The following QPCTL variants were observed in gnomAD, a reference collection of about 807,000 sequenced individuals.
QPCTL encodes glutaminyl-peptide cyclotransferase-like protein.
In QPCTL, 31 loss-of-function variants were observed where a neutral mutation model predicts 34.6. That is an observed-to-expected ratio of 0.90 (90% CI 0.67 to 1.21). The LOEUF is 1.21. Among genes scored for constraint, QPCTL ranks in the 50% most tolerant of loss-of-function variants. The probability of loss-of-function intolerance (pLI) is 0.00; values close to 1 mark genes in which losing one functional copy is unlikely to be tolerated. For missense variants in QPCTL, 474 were observed against 507.8 expected (o/e 0.93, Z 0.64); for synonymous variants, 223 against 226.9 (o/e 0.98, Z 0.15).
At position 45,698,526 on chromosome 19, in the gene QPCTL, AC is replaced by A. The variant is rs779205189; in HGVS notation, c.634-15del. ...GGCTAGTCCTGAGCTGGCTCTGGCCACCCCCCTGCTGCTCCCACAGGCAGCC... is the reference window on the plus strand; with the variant it reads ...GGCTAGTCCTGAGCTGGCTCTGGCCACCCCCTGCTGCTCCCACAGGCAGCC... On this transcript the variant is annotated intron_variant, in intron 3 of 6. Coordinates refer to ENST00000012049, the MANE Select transcript of QPCTL (RefSeq NM_017659.4). 1 of 1,612,934 alleles carries A rather than the reference AC, an allele frequency of 6.2e-7. No individual in the cohort carries two copies. Among genetic ancestry groups the A allele is most frequent in the Admixed American group, 1.7e-5 (1 of 59,944 alleles).
chr19:45,692,974 G>T, intron 1 of QPCTL, 64 bp downstream of exon 1: 1 of 1,476,378 alleles, frequency 6.8e-7, no homozygotes, highest in Non-Finnish European at 9.1e-7. Flanking sequence ...GTTACCCAGG[G>T]TTGACGTGGC....
Position 45,702,987 on chromosome 19 carries a change from C to T in QPCTL, c.1087C>T (p.Pro363Ser), listed in dbSNP as rs780765781. ...PADTEVNLHP[P>S]TVHNLCRILA... ...GGACACCGAGGTCAATCTCCACCCACCCACGGTACACAACTTGTGCCGCAT... is the reference window on the plus strand; with the variant it reads ...GGACACCGAGGTCAATCTCCACCCATCCACGGTACACAACTTGTGCCGCAT... The change falls in exon 7 of 7, where the codon CCC (proline) becomes TCC (serine). Residue 363 changes from proline to serine, a missense_variant. By Grantham distance (74) the Pro-to-Ser change is moderately conservative (BLOSUM62 -1). Coordinates refer to ENST00000012049, the MANE Select transcript of QPCTL (RefSeq NM_017659.4). 1.9e-6 allele frequency: 3 copies of T among 1,613,996 alleles called. No homozygotes were observed. The highest frequency in any genetic ancestry group is 2.5e-6 in the Non-Finnish European group (3 of 1,180,004).
chr19:45,692,666 A>G lies in QPCTL; in HGVS notation c.-38A>G. 6.9e-7 allele frequency: 1 copy of G among 1,457,592 alleles called. No individual in the cohort carries two copies. The highest frequency in any genetic ancestry group is 9.1e-7 in the Non-Finnish European group (1 of 1,096,030). 90.3% of individuals were successfully genotyped at this position (1,457,592 alleles called of 1,614,324 possible). Reference sequence around the variant, plus strand: ...GAGGAACTTGGCTGGGCCTAAACTCAATCCGTGGTCTGGTACAGGTTTCAG... The same window carrying G: ...GAGGAACTTGGCTGGGCCTAAACTCGATCCGTGGTCTGGTACAGGTTTCAG... On this transcript the variant is annotated 5_prime_UTR_variant, in exon 1 of 7. Transcript: ENST00000012049.
At chr19:45,698,470 G>T in intron 3 of QPCTL, 77 bp from the exon 4 acceptor site, 1 of 1,550,122 alleles carries the variant, frequency 6.5e-7, no homozygotes. Context: ...GCATGCAAGC[G>T]GGCAAGAAGT....
Position 45,703,082 on chromosome 19 carries a change from G to A in QPCTL, c.*33G>A. On this transcript the variant is annotated 3_prime_UTR_variant, in exon 7 of 7. Transcript: ENST00000012049. ...GGCCAATGACTGTGGAGAGGACTGTGAGAGAGAAGGTCCCAGCGGGGGCCA... is the reference window on the plus strand; with the variant it reads ...GGCCAATGACTGTGGAGAGGACTGTAAGAGAGAAGGTCCCAGCGGGGGCCA... 1 of 1,613,416 alleles carries A rather than the reference G, an allele frequency of 6.2e-7. No homozygotes were observed. Among genetic ancestry groups the A allele is most frequent in the Non-Finnish European group, 8.5e-7 (1 of 1,179,418 alleles).
intron 6 of QPCTL, 44 bp downstream of exon 6, chr19:45,701,958 C>A: frequency 6.6e-7 from 1 of 1,518,240 alleles, no homozygotes; most frequent in Non-Finnish European, 9.1e-7. Context: ...TCCAAGGAAG[C>A]CACAAATTGG....
At position 45,701,799 on chromosome 19, in the gene QPCTL, G is replaced by T; in HGVS notation, c.888G>T (p.Glu296Asp). ...CTCTCTAATCGCCCCCACTTCCAGA[G>T]AAGCGTCTGCACCGTTTGAACCTGC... The part of the protein sequence containing the change: ...VRWFHRLRSI[E>D]KRLHRLNLLQ... Residue 296 changes from glutamate (E) to aspartate (D), a missense_variant and splice_region_variant, in exon 6 of 7, where the codon GAG (glutamate) becomes GAT (aspartate). Glu to Asp is a conservative substitution (Grantham distance 45, BLOSUM62 2). Transcript: ENST00000012049. 6.2e-7 allele frequency: 1 copy of T among 1,610,172 alleles called. No individual in the cohort carries two copies.
rs765158534 is a variant in QPCTL at position 45,692,956 on chromosome 19, T to TC, written c.207+50dup. 2.0e-6 allele frequency: 3 copies of TC among 1,503,232 alleles called. No individual in the cohort carries two copies. In the African/African-American group the frequency reaches 4.2e-5, roughly 21 times the overall value. 93.1% of individuals were successfully genotyped at this position (1,503,232 alleles called of 1,614,324 possible). On this transcript the variant is annotated intron_variant, in intron 1 of 6. Coordinates refer to ENST00000012049, the MANE Select transcript of QPCTL (RefSeq NM_017659.4). ...GGGCACCGCGGGGACCCTCATTCCC[T>TC]CCCCGCTGTTACCCAGGGTTGACGT...
At chr19:45,698,268 A>C (rs1290284584) in intron 3 of QPCTL, among the ~76,000 whole-genome samples, 2 of 152,002 alleles carry the variant, frequency 1.3e-5, no homozygotes, top group East Asian at 1.9e-4. Flanking sequence ...AAAAAACAAA[A>C]AAAAAACAAA....
chr19:45,696,198 C>T (rs1250644205), intron 3 of QPCTL, among the ~76,000 whole-genome samples: 1 of 152,114 alleles, frequency 6.6e-6, no homozygotes, highest in Non-Finnish European at 1.5e-5. Flanking sequence ...TCACCTCTTG[C>T]TCACTCTGCT....
At chr19:45,696,225 C>T (rs1394106216) in intron 3 of QPCTL, among the ~76,000 whole-genome samples, 3 of 152,126 alleles carry the variant, frequency 2.0e-5, no homozygotes, top group Non-Finnish European at 4.4e-5. Flanking sequence ...ACCCCCACCT[C>T]CTCTGGGTTC....
chr19:45,696,025 C>T (rs964212324), intron 3 of QPCTL, among the ~76,000 whole-genome samples: 11 of 152,064 alleles, frequency 7.2e-5, no homozygotes, highest in South Asian at 2.1e-4. Context: ...TGAGCCACCG[C>T]GCCTGGTCAT....
chr19:45,698,166 C>T (rs1967735772), intron 3 of QPCTL, among the ~76,000 whole-genome samples: 1 of 151,808 alleles, frequency 6.6e-6, no homozygotes, highest in South Asian at 2.1e-4. Flanking sequence ...TCTCTTGAAC[C>T]TGGGAGGTAG....
chr19:45,692,939 C>G lies in QPCTL; in HGVS notation c.207+29C>G, dbSNP rs1318516930. The G allele has an allele frequency of 2.0e-6, 3 of 1,525,878 alleles. No individual in the cohort carries two copies. In the Admixed American group the frequency reaches 6.1e-5, roughly 31 times the overall value. 94.5% of individuals were successfully genotyped at this position (1,525,878 alleles called of 1,614,324 possible). A position where few individuals can be genotyped will look rare whatever the true frequency, so the allele number is the denominator to read the frequency against. ...AGGCTGGGCGGGGACCCGGGCACCG[C>G]GGGGACCCTCATTCCCTCCCCGCTG... On this transcript the variant is annotated intron_variant, in intron 1 of 6. Transcript: ENST00000012049.
chr19:45,698,462 A>G, intron 3 of QPCTL, 85 bp from the exon 4 acceptor site: 2 of 1,522,698 alleles, frequency 1.3e-6, no homozygotes, highest in South Asian at 2.4e-5. Context: ...TCTCTTAAGC[A>G]TGCAAGCGGG....
intron 3 of QPCTL, 152 bp from the exon 4 acceptor site, chr19:45,698,395 G>A (rs749059290): frequency 1.1e-6 from 1 of 918,694 alleles, no homozygotes; most frequent in Non-Finnish European, 1.6e-6. Context: ...CCAGACAACT[G>A]ACTCGGAATC....
At chr19:45,698,225 G>C (rs1967736801) in intron 3 of QPCTL, among the ~76,000 whole-genome samples, 1 of 151,818 alleles carries the variant, frequency 6.6e-6, no homozygotes, top group African/African-American at 2.4e-5. Context: ...ACTCCAGCCT[G>C]GGTGACAGAG....
Position 45,692,698 on chromosome 19 carries a change from G to A in QPCTL, c.-6G>A. The A allele has an allele frequency of 6.5e-7, 1 of 1,531,788 alleles. No homozygotes were observed. Among genetic ancestry groups the A allele is most frequent in the Non-Finnish European group, 8.8e-7 (1 of 1,137,364 alleles). 94.9% of individuals were successfully genotyped at this position (1,531,788 alleles called of 1,614,324 possible). ...GGTCTGGTACAGGTTTCAGGGCAAA[G>A]CGGCCATGCGTTCCGGGGGCCGCGG... is the stretch of plus-strand genomic sequence containing the variant. On this transcript the variant is annotated 5_prime_UTR_variant, in exon 1 of 7. Coordinates refer to ENST00000012049, the MANE Select transcript of QPCTL (RefSeq NM_017659.4).
In QPCTL at chr19:45,692,749, C is replaced by T; in HGVS notation, c.46C>T (p.Arg16Cys). Residue 16 changes from arginine to cysteine, a missense_variant, in exon 1 of 7, where the codon CGT becomes TGT. Physicochemically the swap from Arg to Cys is radical, Grantham distance 180 (BLOSUM62 -3). Transcript: ENST00000012049. The stretch of plus-strand genomic sequence containing the variant: ...GCGACCCCGCCTGCGGCTGGGGGAA[C>T]GTGGCCTCATGGAGCCACTCTTGCC... The part of the protein sequence containing the change: ...RGRPRLRLGE[R>C]GLMEPLLPPK... 2 of 1,578,664 alleles carry T rather than the reference C, an allele frequency of 1.3e-6. No individual in the cohort carries two copies. Among genetic ancestry groups the T allele is most frequent in the Admixed American group, 1.8e-5 (1 of 55,654 alleles).
Sources: gnomAD v4.1 joint callset for allele counts (sites outside exome capture counted in the v4.1 genomes callset) on GRCh38, gnomAD v4.1.1 for gene constraint, MANE v1.5 for transcripts, NCBI Gene and HGNC (gene_info 2026-07-23, HGNC 2026-07-21) for gene names.